ATR: variants seen among roughly 807,000 people sequenced by gnomAD.
ATR encodes serine/threonine-protein kinase ATR.
Under a neutral mutation model 305.3 loss-of-function variants are expected in ATR, and 142 were observed. The ratio of observed to expected loss-of-function variants is 0.47; its 90% CI spans 0.41 to 0.53. The LOEUF (loss-of-function observed/expected upper bound fraction) is 0.53, where lower values mean the gene tolerates loss of function less well. ATR is among the 20% of genes least tolerant of loss of function. ATR has a pLI of 0.00. For missense variants in ATR, 2,135 were observed against 3,133.1 expected (o/e 0.68, Z 7.60); for synonymous variants, 1,050 against 1,068.1 (o/e 0.98, Z 0.33).
At chr3:142,528,890 T>TTTTTTTTG (rs2033524917) in intron 21 of ATR, among the ~76,000 whole-genome samples, 1 of 109,240 alleles carries the variant, frequency 9.2e-6, no homozygotes, top group Admixed American at 9.2e-5. Context: ...TTTTTTTTTT[T>TTTTTTTTG]TTTTTTTTTT....
Position 142,469,538 on chromosome 3 carries a change from A to T in ATR, c.6351T>A (p.Asn2117Lys), listed in dbSNP as rs2108279597. ...AGRSDRVQMR[N>K]DLGKINKVIT... ...TAACCTTGTTTATTTTACCCAAATC[A>T]TTCCTCATTTGTACACGATCGGAGC... is the stretch of plus-strand genomic sequence containing the variant. The change falls in exon 38 of 47, where the codon AAT becomes AAA. Residue 2117 changes from asparagine (N) to lysine (K), a missense_variant. This residue lies in a region of ATR where 462 missense variants were observed against 887.6 expected (regional missense o/e 0.52). Transcript: ENST00000350721. 1 of 1,613,864 alleles carries T rather than the reference A, an allele frequency of 6.2e-7. No homozygotes were observed. Among genetic ancestry groups the T allele is most frequent in the Non-Finnish European group, 8.5e-7 (1 of 1,179,820 alleles).
intron 16 of ATR, among the ~76,000 whole-genome samples, chr3:142,546,733 C>T (rs1048514158): frequency 4.6e-5 from 7 of 151,960 alleles, no homozygotes; most frequent in Admixed American, 1.3e-4. Flanking sequence ...ACAGATGCCA[C>T]GCAGGAAAGA....
intron 36 of ATR, among the ~76,000 whole-genome samples, chr3:142,473,691 G>T (rs553516515): frequency 4.0e-5 from 6 of 151,736 alleles, no homozygotes; most frequent in Non-Finnish European, 8.8e-5. Context: ...GATTACAGGT[G>T]CATGCCACCA....
At chr3:142,550,565 C>T (rs1252894226) in intron 13 of ATR, among the ~76,000 whole-genome samples, 1 of 152,114 alleles carries the variant, frequency 6.6e-6, no homozygotes, top group African/African-American at 2.4e-5. Flanking sequence ...CATAACCTAA[C>T]TTTTCAGCCA....
intron 46 of ATR, chr3:142,451,776 AC>A: frequency 8.3e-7 from 1 of 1,199,376 alleles, no homozygotes; most frequent in Non-Finnish European, 1.1e-6. Context: ...ATTTGTAGAG[AC>A]CAGGGCTGGC....
chr3:142,459,237 G>T lies in ATR; in HGVS notation c.7339C>A (p.Pro2447Thr), dbSNP rs2108261309. 1 of 1,613,956 alleles carries T rather than the reference G, an allele frequency of 6.2e-7. No homozygotes were observed. Among genetic ancestry groups the T allele is most frequent in the Non-Finnish European group, 8.5e-7 (1 of 1,179,868 alleles). Reference sequence around the variant, plus strand: ...TTCTTGGTAACTTACCATGATGTAGGATCAGGGAATGTTCTCAGAAACCAC... The same window carrying T: ...TTCTTGGTAACTTACCATGATGTAGTATCAGGGAATGTTCTCAGAAACCAC... ...HEWFLRTFPD[P>T]TSWYSSRSAY... is the part of the protein sequence containing the mutation. Residue 2447 changes from proline (P) to threonine (T), a missense_variant, in exon 43 of 47, where the codon CCT (proline) becomes ACT (threonine). This residue lies in a region of ATR where 462 missense variants were observed against 887.6 expected (regional missense o/e 0.52). Coordinates refer to ENST00000350721, the MANE Select transcript of ATR (RefSeq NM_001184.4).
intron 8 of ATR, among the ~76,000 whole-genome samples, chr3:142,558,305 T>C (rs919240850): frequency 6.6e-6 from 1 of 151,942 alleles, no homozygotes; most frequent in Non-Finnish European, 1.5e-5. Context: ...GGTGGATCAC[T>C]TGAGGTCAGG....
rs780538224 is a variant in ATR at position 142,558,557 on chromosome 3, AATAG to A, written c.1885+63_1885+66del. On this transcript the variant is annotated intron_variant, in intron 8 of 46. Transcript: ENST00000350721. ...AAATAAATAAATAAATAAATAAATAAATAGATAGATAGATAGATAGATAGATAAA... is the reference window on the plus strand; with the variant it reads ...AAATAAATAAATAAATAAATAAATAAATAGATAGATAGATAGATAGATAAA... The A allele has an allele frequency of 2.0e-3, 1,235 of 619,746 alleles. 13 individuals are homozygous for A. Among genetic ancestry groups the A allele is most frequent in the East Asian group, 0.018 (417 of 23,650 alleles). The allele number at this position is 619,746 out of a possible 1,614,324, so 38.4% of individuals were successfully genotyped here.
At chr3:142,477,305 C>T (rs1021873332) in intron 36 of ATR, among the ~76,000 whole-genome samples, 11 of 152,088 alleles carry the variant, frequency 7.2e-5, no homozygotes, top group African/African-American at 1.2e-4. Context: ...GCATGAAGGG[C>T]TGTTGAATTT....
chr3:142,457,218 T>C (rs2070926976), intron 45 of ATR, among the ~76,000 whole-genome samples: 1 of 152,224 alleles, frequency 6.6e-6, no homozygotes, highest in African/African-American at 2.4e-5. Context: ...TGATTCCATT[T>C]ATATGAAATG....
intron 35 of ATR, among the ~76,000 whole-genome samples, chr3:142,489,418 A>G (rs1211325110): frequency 6.6e-6 from 1 of 152,202 alleles, no homozygotes; most frequent in Non-Finnish European, 1.5e-5. Flanking sequence ...AAGAAGATGA[A>G]CATTCCTAAC....
chr3:142,490,625 C>A (rs1285930408), intron 35 of ATR, among the ~76,000 whole-genome samples: 2 of 152,024 alleles, frequency 1.3e-5, no homozygotes, highest in East Asian at 3.9e-4. Context: ...TCTAAAAATT[C>A]ATAATTTTAG....
chr3:142,450,884 A>G lies in ATR; in HGVS notation c.7762-1282T>C, dbSNP rs2070772583. The G allele has an allele frequency of 5.4e-6, 7 of 1,290,922 alleles. No individual in the cohort carries two copies. The South Asian group carries it at 9.2e-5, about 17-fold the overall frequency. The allele number at this position is 1,290,922 out of a possible 1,614,324, so 80.0% of individuals were successfully genotyped here. On this transcript the variant is annotated intron_variant, in intron 46 of 46. Transcript: ENST00000350721. ...TCCGACCAAGCAGACAGATACCAAT[A>G]CGGTGTTAAAAATGGTGAAAATAGC...
intron 22 of ATR, among the ~76,000 whole-genome samples, chr3:142,523,357 T>C (rs2033234996): frequency 1.3e-5 from 2 of 151,962 alleles, no homozygotes; most frequent in South Asian, 2.1e-4. Flanking sequence ...GAGGCAGAGG[T>C]TGCAGTAAGC....
Position 142,560,422 on chromosome 3 carries a change from A to T in ATR, c.1382T>A (p.Ile461Lys), listed in dbSNP as rs531789554. Reference protein sequence around the residue: ...IKHVDMNQKSILWSALKQKAE... With the variant: ...IKHVDMNQKSKLWSALKQKAE... ...TTTCTGTTTCAGTGCACTCCATAATATGCTCTTTTGGTTCATGTCCACATG... is the reference window on the plus strand; with the variant it reads ...TTTCTGTTTCAGTGCACTCCATAATTTGCTCTTTTGGTTCATGTCCACATG... The change falls in exon 6 of 47, where the codon ATA becomes AAA. Residue 461 changes from isoleucine to lysine, a missense_variant. Ile to Lys is a moderately radical substitution (Grantham distance 102). This residue lies in a region of ATR where 744 missense variants were observed against 873.2 expected (regional missense o/e 0.85). Coordinates refer to ENST00000350721, the MANE Select transcript of ATR (RefSeq NM_001184.4). 3.3e-5 allele frequency: 54 copies of T among 1,613,198 alleles called. No homozygotes were observed. Among genetic ancestry groups the T allele is most frequent in the Non-Finnish European group, 4.3e-5 (51 of 1,179,390 alleles).
chr3:142,520,705 G>A (rs1165154290), intron 23 of ATR, among the ~76,000 whole-genome samples: 1 of 151,940 alleles, frequency 6.6e-6, no homozygotes, highest in Admixed American at 6.6e-5. Flanking sequence ...AACTCAAGGG[G>A]CGCTTCTTAA....
chr3:142,482,977 C>A (rs1224409464), intron 36 of ATR, among the ~76,000 whole-genome samples: 2 of 149,944 alleles, frequency 1.3e-5, no homozygotes, highest in African/African-American at 5.0e-5. Flanking sequence ...AGAACATATG[C>A]CCCCTTTCTT....
chr3:142,563,230 T>TCTCTTCG, intron 3 of ATR, 121 bp from the exon 4 acceptor site: 1 of 1,011,790 alleles, frequency 9.9e-7, no homozygotes, highest in Non-Finnish European at 1.4e-6. Flanking sequence ...TGTAAAACAT[T>TCTCTTCG]CTCTTCACAA....
rs1222611811 is a variant in ATR, at chr3:142,483,284, G to A, written c.6221+1856C>T. ...AGATATCCTTCCATGTAAAGCAATG[G>A]TACATGAGTATGATAAGGAGAATGT... On this transcript the variant is annotated intron_variant, in intron 36 of 46. Transcript: ENST00000350721. Among the ~76,000 whole-genome samples, 5 of 150,898 alleles carry A rather than the reference G, an allele frequency of 3.3e-5. No homozygotes were observed. In the East Asian group the frequency reaches 9.6e-4, roughly 29 times the overall value.
Sources: gnomAD v4.1 joint callset for allele counts (sites outside exome capture counted in the v4.1 genomes callset) on GRCh38, gnomAD v4.1.1 for gene constraint, gnomAD v4.1.1 regional missense constraint, MANE v1.5 for transcripts, NCBI Gene and HGNC (gene_info 2026-07-23, HGNC 2026-07-21) for gene names.